INTS1: variants seen among roughly 807,000 people sequenced by gnomAD.
INTS1 encodes integrator complex subunit 1.
INTS1 carries 137 observed loss-of-function variants against 241.6 expected under a neutral mutation model. The observed-to-expected ratio is 0.57, with a 90% confidence interval of 0.49 to 0.65. The LOEUF (loss-of-function observed/expected upper bound fraction) is 0.65, where lower values mean the gene tolerates loss of function less well. Ranked by LOEUF, INTS1 falls within the 30% of genes least tolerant of loss-of-function variation. The pLI is 0.00. For synonymous variants in INTS1, 1,692 were observed against 1,337.8 expected (o/e 1.26, Z -5.78); for missense variants, 3,073 against 3,032.2 (o/e 1.01, Z -0.32).
Position 1,499,072 on chromosome 7 carries a change from G to T in INTS1, c.1040C>A (p.Ser347Tyr). The change falls in exon 8 of 48, where the codon TCC becomes TAC. Residue 347 changes from serine to tyrosine, a missense_variant. Transcript: ENST00000404767. The part of the protein sequence containing the change: ...LNRRQPIDNV[S>Y]RNLLRLLTST... ...GGTGAGGAGCCGCAGGAGGTTCCTG[G>T]AGACGTTGTCGATGGGCTGGCGCCG... The T allele has an allele frequency of 6.2e-7, 1 of 1,607,538 alleles. No individual in the cohort carries two copies. The highest frequency in any genetic ancestry group is 2.2e-5 in the East Asian group (1 of 44,698).
chr7:1,476,024 T>C lies in INTS1; in HGVS notation c.5426A>G (p.Gln1809Arg), dbSNP rs1781697983. ...CACGGGCACCCGCAGCTCCGGCCGCTGTAGGTAGAGCTGCAGGAGAAGGTC... is the reference window on the plus strand; with the variant it reads ...CACGGGCACCCGCAGCTCCGGCCGCCGTAGGTAGAGCTGCAGGAGAAGGTC... ...CRDLLLQLYL[Q>R]RPELRVPVPE... Residue 1809 changes from glutamine to arginine, a missense_variant, in exon 39 of 48, where the codon CAG (glutamine) becomes CGG (arginine). Gln to Arg is a conservative substitution (Grantham distance 43). Coordinates refer to ENST00000404767, the MANE Select transcript of INTS1 (RefSeq NM_001080453.3). 1.7e-5 allele frequency: 27 copies of C among 1,546,066 alleles called. No homozygotes were observed. Among genetic ancestry groups the C allele is most frequent in the Non-Finnish European group, 2.3e-5 (26 of 1,146,724 alleles).
In INTS1 at chr7:1,477,899, C is replaced by T. The variant is rs755396523; in HGVS notation, c.4668G>A (p.Leu1556=). ...QGLIEVRSPH[L]EELLTAFFSA... is the part of the protein sequence containing the mutation. ...AGAAGAATGCAGTCAGCAGCTCCTC[C>T]AGGTGGGGGGACCTCACCTCGATCA... The change falls in exon 34 of 48, where the codon CTG becomes CTA. Residue 1556 remains leucine, a synonymous_variant. Coordinates refer to ENST00000404767, the MANE Select transcript of INTS1 (RefSeq NM_001080453.3). 16 of 1,612,506 alleles carry T rather than the reference C, an allele frequency of 9.9e-6. No homozygotes were observed. In the African/African-American group the frequency reaches 1.7e-4, roughly 17 times the overall value.
In INTS1 at chr7:1,484,086, C is replaced by T. The variant is rs369814462; in HGVS notation, c.3346G>A (p.Val1116Met). 52 of 1,612,328 alleles carry T rather than the reference C, an allele frequency of 3.2e-5. No individual in the cohort carries two copies. Among genetic ancestry groups the T allele is most frequent in the South Asian group, 5.5e-5 (5 of 91,090 alleles). ...KLSPSAASDA[V>M]LSALLSIFSR... ...AAGATGGACAACAGAGCGCTCAGCA[C>T]GGCGTCCGACGCGGCACTCGGGGAG... is the stretch of plus-strand genomic sequence containing the variant. Residue 1116 changes from valine (V) to methionine (M), a missense_variant, in exon 25 of 48, where the codon GTG becomes ATG. Transcript: ENST00000404767.
intron 36 of INTS1, 66 bp downstream of exon 36, chr7:1,476,728 C>T (rs888218104): frequency 4.2e-5 from 67 of 1,611,822 alleles, no homozygotes; most frequent in African/African-American, 6.7e-5. Flanking sequence ...TCAGAGCCGG[C>T]GCTGGGAGAT....
At position 1,483,872 on chromosome 7, in the gene INTS1, AGTCAGGCCGTAAG is replaced by A; in HGVS notation, c.3430-32_3430-20del. The A allele has an allele frequency of 6.2e-7, 1 of 1,603,730 alleles. No homozygotes were observed. Among genetic ancestry groups the A allele is most frequent in the South Asian group, 1.1e-5 (1 of 90,824 alleles). Reference sequence around the variant, plus strand: ...ACTCCGACTGTGGGAAAAGAGGTGGAGTCAGGCCGTAAGGTTCAGGGACCCTGAGCCAGCGCCG... The same window carrying A: ...ACTCCGACTGTGGGAAAAGAGGTGGAGTTCAGGGACCCTGAGCCAGCGCCG... On this transcript the variant is annotated intron_variant, in intron 25 of 47. Coordinates refer to ENST00000404767, the MANE Select transcript of INTS1 (RefSeq NM_001080453.3).
rs766875563 is a variant in INTS1, at chr7:1,487,909, C to T, written c.2367G>A (p.Thr789=). 1.5e-5 allele frequency: 25 copies of T among 1,613,492 alleles called. No individual in the cohort carries two copies. In the Middle Eastern group the frequency reaches 4.9e-4, roughly 32 times the overall value. The part of the protein sequence containing the change: ...PCTLTDEETR[T]EMLNRELQTA... ...TCTGCAGCTCACGGTTCAGCATCTC[C>T]GTCCGGGTCTCCTCATCCGTCAGGG... Residue 789 remains threonine (T), a synonymous_variant, in exon 19 of 48, where the codon ACG becomes ACA. Coordinates refer to ENST00000404767, the MANE Select transcript of INTS1 (RefSeq NM_001080453.3).
chr7:1,500,269 C>T lies in INTS1; in HGVS notation c.447G>A (p.Leu149=), dbSNP rs775759247. The T allele has an allele frequency of 8.7e-6, 14 of 1,602,226 alleles. No homozygotes were observed. Among genetic ancestry groups the T allele is most frequent in the South Asian group, 5.6e-5 (5 of 89,032 alleles). ...TGTCAGGCTTGGCGCGGGTGACCTTCAGCTGCTTCACGGCCCCGCACAGCA... is the reference window on the plus strand; with the variant it reads ...TGTCAGGCTTGGCGCGGGTGACCTTTAGCTGCTTCACGGCCCCGCACAGCA... ...EGVLCGAVKQ[L]KVTRAKPDST... Residue 149 remains leucine, a synonymous_variant, in exon 4 of 48, where the codon CTG becomes CTA. Coordinates refer to ENST00000404767, the MANE Select transcript of INTS1 (RefSeq NM_001080453.3).
intron 26 of INTS1, chr7:1,482,936 T>C: frequency 1.8e-6 from 1 of 563,244 alleles, no homozygotes; most frequent in Non-Finnish European, 3.1e-6. Context: ...ATCACTGCCA[T>C]TTTGTCGTGG....
chr7:1,477,987 C>T, intron 33 of INTS1, 51 bp from the exon 34 acceptor site: 3 of 1,519,746 alleles, frequency 2.0e-6, no homozygotes, highest in South Asian at 2.3e-5. Context: ...CGGGTGGGGG[C>T]CGCTGAGTGG....
At chr7:1,473,048 G>T in intron 43 of INTS1, 24 bp downstream of exon 43, 1 of 1,499,436 alleles carries the variant, frequency 6.7e-7, no homozygotes. Context: ...GCTGCTTCCA[G>T]CAGCCCCTGG....
chr7:1,476,758 G>A, intron 36 of INTS1, 36 bp downstream of exon 36: 1 of 1,612,498 alleles, frequency 6.2e-7, no homozygotes, highest in Non-Finnish European at 8.5e-7. Flanking sequence ...AGGCCAGTAT[G>A]CGCGCAGCCC....
chr7:1,487,477 C>A (rs773158463), intron 19 of INTS1, 28 bp from the exon 20 acceptor site: 13 of 1,604,702 alleles, frequency 8.1e-6, no homozygotes, highest in South Asian at 1.1e-5. Flanking sequence ...CACGGTGCGT[C>A]AGCACGCCCT....
chr7:1,476,441 C>A lies in INTS1; in HGVS notation c.5166G>T (p.Glu1722Asp). Residue 1722 changes from glutamate to aspartate, a missense_variant, in exon 38 of 48, where the codon GAG (glutamate) becomes GAT (aspartate). Glu to Asp is a conservative substitution (Grantham distance 45). Transcript: ENST00000404767. ...DQRTPQKRREELVLRVQGPEL... is the reference protein window; with the variant it reads ...DQRTPQKRREDLVLRVQGPEL... ...CCGGGCCCTGGACCCGCAGCACCAG[C>A]TCCTCCCGCCGCTTCTGTAACGGGT... The A allele has an allele frequency of 6.4e-7, 1 of 1,563,160 alleles. No homozygotes were observed. The highest frequency in any genetic ancestry group is 1.2e-5 in the South Asian group (1 of 86,950).
chr7:1,478,495 GCC>G lies in INTS1; in HGVS notation c.4499_4500del (p.Gly1500AlafsTer78). On this transcript the variant is annotated frameshift_variant, in exon 33 of 48. Transcript: ENST00000404767. LOFTEE classifies it high-confidence loss of function. ...GCCAGGGCCTCGGCCAGGCGCAGGA[GCC>G]CCCCTCGCACTGTGGGAGGTCTGTG... ...AGRRLSDVRG[G>X]LLRLAEALAF... is the part of the protein sequence containing the mutation. The G allele has an allele frequency of 6.2e-7, 1 of 1,610,780 alleles. No homozygotes were observed.
chr7:1,486,370 T>C (rs1312303429), intron 22 of INTS1, among the ~76,000 whole-genome samples: 1 of 150,200 alleles, frequency 6.7e-6, no homozygotes, highest in African/African-American at 2.5e-5. Context: ...TACAAGCGAG[T>C]CTCCTGCCTC....
intron 16 of INTS1, among the ~76,000 whole-genome samples, chr7:1,492,695 G>A (rs1782621301): frequency 6.6e-6 from 1 of 152,234 alleles, no homozygotes; most frequent in African/African-American, 2.4e-5. Context: ...AGACACCGGG[G>A]AAGACAACGG....
chr7:1,471,650 G>C lies in INTS1; in HGVS notation c.6185-9C>G. 2 of 1,604,282 alleles carry C rather than the reference G, an allele frequency of 1.2e-6. No individual in the cohort carries two copies. Among genetic ancestry groups the C allele is most frequent in the Non-Finnish European group, 1.7e-6 (2 of 1,179,424 alleles). On this transcript the variant is annotated splice_polypyrimidine_tract_variant and intron_variant, in intron 44 of 47. Transcript: ENST00000404767. Reference sequence around the variant, plus strand: ...CAGAACCTCCAGCAGATCTGACACAGAGAGAGGGCCAGACCAGAACTGAAG... The same window carrying C: ...CAGAACCTCCAGCAGATCTGACACACAGAGAGGGCCAGACCAGAACTGAAG...
intron 25 of INTS1, 75 bp from the exon 26 acceptor site, chr7:1,483,928 C>A (rs1484304222): frequency 2.5e-6 from 4 of 1,584,592 alleles, no homozygotes; most frequent in Non-Finnish European, 2.6e-6. Context: ...CCAGCTGGCA[C>A]CGAGCGTGCC....
chr7:1,474,401 G>T, intron 40 of INTS1, 41 bp from the exon 41 acceptor site: 1 of 1,533,486 alleles, frequency 6.5e-7, no homozygotes, highest in Non-Finnish European at 8.7e-7. Context: ...CGGCCGGCGG[G>T]CTCACCTGGC....
Sources: allele counts gnomAD v4.1 joint callset (sites outside exome capture counted in the v4.1 genomes callset), GRCh38; gene constraint gnomAD v4.1.1; transcripts MANE v1.5; gene names NCBI Gene and HGNC (gene_info 2026-07-23, HGNC 2026-07-21).